PCDHGA4: variants seen among roughly 807,000 people sequenced by gnomAD.
PCDHGA4 encodes protocadherin gamma subfamily A, 4.
A neutral mutation model predicts 54.6 loss-of-function variants in PCDHGA4; 38 were observed. The observed-to-expected ratio is 0.70, with a 90% CI of 0.54 to 0.91. The LOEUF (loss-of-function observed/expected upper bound fraction) is 0.91. PCDHGA4 is among the 40% of genes least tolerant of loss of function. The pLI, the probability that PCDHGA4 is intolerant of heterozygous loss-of-function variation, is 0.00. For missense variants in PCDHGA4, 1,298 were observed against 1,220.9 expected (o/e 1.06, Z -0.94); for synonymous variants, 511 against 512.9 (o/e 1.00, Z 0.05).
At chr5:141,410,722 ATCC>A (rs2154543211) in intron 1 of PCDHGA4, 21 of 1,396,054 alleles carry the variant, frequency 1.5e-5, no homozygotes, top group Non-Finnish European at 2.0e-5. Context: ...TATGTTTAAA[ATCC>A]ATAGCTTTTT....
chr5:141,387,780 G>T, intron 1 of PCDHGA4: 2 of 1,461,128 alleles, frequency 1.4e-6, no homozygotes, highest in Admixed American at 2.6e-5. Flanking sequence ...TCTTGAACTG[G>T]AACTGCAACT....
chr5:141,438,231 TG>T (rs987686126), intron 1 of PCDHGA4, among the ~76,000 whole-genome samples: 1 of 152,082 alleles, frequency 6.6e-6, no homozygotes, highest in African/African-American at 2.4e-5. Context: ...TTCAGGAAAA[TG>T]TTTTTAAAAA....
Position 141,437,485 on chromosome 5 carries a change from C to T in PCDHGA4, c.2515-57322C>T, listed in dbSNP as rs372023505. The stretch of plus-strand genomic sequence containing the variant: ...TATACTTTTATAGCATATTTAATCT[C>T]GTAGATCACTTTTCAATGAATTATA... On this transcript the variant is annotated intron_variant, in intron 1 of 3. Transcript: ENST00000571252. Among the ~76,000 whole-genome samples, 16 of 152,188 alleles carry T rather than the reference C, an allele frequency of 1.1e-4. No individual in the cohort carries two copies. In the East Asian group the frequency reaches 2.9e-3, roughly 28 times the overall value.
At chr5:141,394,458 A>G (rs776488659) in intron 1 of PCDHGA4, 1 of 1,614,218 alleles carries the variant, frequency 6.2e-7, no homozygotes, top group South Asian at 1.1e-5. Context: ...CATGTCACTG[A>G]GCCTGTTCGT....
chr5:141,400,072 C>G (rs1469206078), intron 1 of PCDHGA4: 1 of 1,613,934 alleles, frequency 6.2e-7, no homozygotes, highest in Non-Finnish European at 8.5e-7. Context: ...TGGACAGCCG[C>G]CACTCTCCGC....
intron 1 of PCDHGA4, chr5:141,394,510 C>T (rs371348730): frequency 2.5e-6 from 4 of 1,614,098 alleles, no homozygotes; most frequent in Non-Finnish European, 3.4e-6. Flanking sequence ...CTGTACCCCG[C>T]CCTCCCCACA....
chr5:141,419,996 C>G, intron 1 of PCDHGA4: 1 of 1,614,084 alleles, frequency 6.2e-7, no homozygotes, highest in Non-Finnish European at 8.5e-7. Context: ...AGCTATTGCT[C>G]TACGCCTGCG....
Position 141,489,458 on chromosome 5 carries a change from G to T in PCDHGA4, c.2515-5349G>T, listed in dbSNP as rs143138320. 1 of 1,613,924 alleles carries T rather than the reference G, an allele frequency of 6.2e-7. No homozygotes were observed. Among genetic ancestry groups the T allele is most frequent in the Non-Finnish European group, 8.5e-7 (1 of 1,180,000 alleles). On this transcript the variant is annotated intron_variant, in intron 1 of 3. Coordinates refer to ENST00000571252, the MANE Select transcript of PCDHGA4 (RefSeq NM_018917.4). The surrounding 1 kb of genome is among the most constrained non-coding windows in gnomAD (Gnocchi z 4.5). ...CAATTGGGCTCTGAGGAGAATGGGC[G>T]CTATTTTTCCCTGAGCTTGATGAGT...
At chr5:141,366,829 T>A in intron 1 of PCDHGA4, 1 of 1,527,578 alleles carries the variant, frequency 6.5e-7, no homozygotes, top group Non-Finnish European at 8.8e-7. Flanking sequence ...ATATTCAGAA[T>A]CAGCTAGTTA....
intron 1 of PCDHGA4, among the ~76,000 whole-genome samples, chr5:141,382,559 C>T (rs1588920623): frequency 1.3e-5 from 2 of 152,238 alleles, no homozygotes; most frequent in East Asian, 1.9e-4. Context: ...ATATCTAGAG[C>T]AAAGAAATCT....
At chr5:141,364,591 G>T (rs754833725) in intron 1 of PCDHGA4, 3 of 1,614,194 alleles carry the variant, frequency 1.9e-6, no homozygotes, top group South Asian at 1.1e-5. Context: ...TGGTCACCGC[G>T]GGCAGGATAG....
intron 1 of PCDHGA4, among the ~76,000 whole-genome samples, chr5:141,406,302 C>T (rs897412289): frequency 1.3e-4 from 20 of 152,020 alleles, no homozygotes; most frequent in African/African-American, 4.8e-4. Context: ...GAGGTGTGAA[C>T]CACCTCACCC....
At chr5:141,371,686 C>A (rs377384867) in intron 1 of PCDHGA4, 4 of 1,613,910 alleles carry the variant, frequency 2.5e-6, no homozygotes, top group Non-Finnish European at 3.4e-6. Flanking sequence ...GGCAATCCAC[C>A]GCTCTCCTCC....
At chr5:141,508,499 C>T (rs1425054102) in intron 3 of PCDHGA4, among the ~76,000 whole-genome samples, 7 of 152,212 alleles carry the variant, frequency 4.6e-5, no homozygotes, top group Non-Finnish European at 1.0e-4. Flanking sequence ...CATATCTTCT[C>T]TCCCTCCTGG....
intron 1 of PCDHGA4, chr5:141,404,273 C>G (rs751189949): frequency 6.2e-7 from 1 of 1,613,870 alleles, no homozygotes; most frequent in African/African-American, 1.3e-5. Flanking sequence ...CATCACCCTG[C>G]AAGTGACTGA....
At chr5:141,400,652 T>A in intron 1 of PCDHGA4, 1 of 1,143,230 alleles carries the variant, frequency 8.7e-7, no homozygotes, top group Non-Finnish European at 1.3e-6. Flanking sequence ...AAAGCTGTCC[T>A]ACCATTCTTT....
At chr5:141,383,709 C>T in intron 1 of PCDHGA4, 1 of 1,613,896 alleles carries the variant, frequency 6.2e-7, no homozygotes, top group Non-Finnish European at 8.5e-7. Context: ...TCGACCTGGA[C>T]GAGGGAGTCA....
In PCDHGA4 at chr5:141,422,435, A is replaced by G. The variant is rs199795822; in HGVS notation, c.2514+64814A>G. 7.8e-4 allele frequency: 1,254 copies of G among 1,609,700 alleles called. 7 individuals are homozygous for G. The highest frequency in any genetic ancestry group is 2.1e-3 in the South Asian group (193 of 90,090). Reference sequence around the variant, plus strand: ...TTAGAAAAGACTTATGGAAATTATTACAAATTGATAACAAGCAGAGTGCTG... The same window carrying G: ...TTAGAAAAGACTTATGGAAATTATTGCAAATTGATAACAAGCAGAGTGCTG... On this transcript the variant is annotated intron_variant, in intron 1 of 3. Transcript: ENST00000571252.
At position 141,431,134 on chromosome 5, in the gene PCDHGA4, C is replaced by T; in HGVS notation, c.2515-63673C>T. 1 of 1,614,212 alleles carries T rather than the reference C, an allele frequency of 6.2e-7. No homozygotes were observed. The highest frequency in any genetic ancestry group is 2.2e-5 in the East Asian group (1 of 44,890). On this transcript the variant is annotated intron_variant, in intron 1 of 3. Coordinates refer to ENST00000571252, the MANE Select transcript of PCDHGA4 (RefSeq NM_018917.4). This position sits in a 1 kb window ranked among gnomAD's most constrained non-coding sequence, Gnocchi z 4.8. ...ATGGAGTAGAAGTAGAAGTAAGGGA[C>T]ATTAACGACAATGCGCCTTACTTTC...
Sources: gnomAD v4.1 joint callset for allele counts (sites outside exome capture counted in the v4.1 genomes callset) on GRCh38, gnomAD v4.1.1 for gene constraint, Gnocchi (gnomAD v3.1) non-coding constraint, MANE v1.5 for transcripts, NCBI Gene and HGNC (gene_info 2026-07-23, HGNC 2026-07-21) for gene names.